Variants in CD36 observed in about 807,000 individuals in gnomAD.
CD36 encodes the protein CD36 molecule (CD36 blood group), also known as platelet glycoprotein 4.
In CD36, 119 loss-of-function variants were observed where a neutral mutation model predicts 55.2. That is an observed-to-expected ratio of 2.15 (90% CI 1.86 to 2.51). The LOEUF (loss-of-function observed/expected upper bound fraction) is 2.51. CD36 is among the 30% of genes most tolerant of loss of function. CD36 has a pLI of 0.00. For synonymous variants in CD36, 186 were observed against 193.6 expected, an observed-to-expected ratio of 0.96 and a Z score of 0.33; for missense variants, 819 against 555.5, an observed-to-expected ratio of 1.47 and a Z score of -4.77.
intron 3 of CD36, among the ~76,000 whole-genome samples, chr7:80,652,941 G>A (rs1212236180): frequency 2.0e-5 from 3 of 152,058 alleles, no homozygotes; most frequent in South Asian, 4.1e-4. Flanking sequence ...ACATGAAAAT[G>A]CCAAAATTCA....
At chr7:80,621,248 C>T (rs1473352821) in intron 1 of CD36, among the ~76,000 whole-genome samples, 2 of 152,152 alleles carry the variant, frequency 1.3e-5, no homozygotes, top group Non-Finnish European at 2.9e-5. Flanking sequence ...CTTTTCTATG[C>T]AGTGGGAAAC....
At chr7:80,604,514 G>A (rs997577946) in intron 1 of CD36, among the ~76,000 whole-genome samples, 18 of 151,362 alleles carry the variant, frequency 1.2e-4, no homozygotes, top group African/African-American at 3.9e-4. Flanking sequence ...TTAGATACGT[G>A]CTTGTTGGTA....
intron 3 of CD36, among the ~76,000 whole-genome samples, chr7:80,650,838 A>C (rs1795546635): frequency 6.6e-6 from 1 of 150,984 alleles, no homozygotes; most frequent in African/African-American, 2.4e-5. Context: ...CATGCTTTTT[A>C]TGGATTATAG....
intron 1 of CD36, among the ~76,000 whole-genome samples, chr7:80,611,725 G>A (rs1792887735): frequency 6.6e-6 from 1 of 152,138 alleles, no homozygotes; most frequent in African/African-American, 2.4e-5. Context: ...ATAGAGATTT[G>A]CTCTGAATTA....
In CD36 at chr7:80,622,011, C is replaced by G. The variant is rs1793498294; in HGVS notation, c.-184+19632C>G. On this transcript the variant is annotated intron_variant, in intron 1 of 13. Transcript: ENST00000309881. Reference sequence around the variant, plus strand: ...TCCCTTTCCAAATTGGTTTTTCACACTGTCGTGCCCACCTTTGAGTGGTGT... The same window carrying G: ...TCCCTTTCCAAATTGGTTTTTCACAGTGTCGTGCCCACCTTTGAGTGGTGT... 1.3e-5 allele frequency among the ~76,000 whole-genome samples: 2 copies of G among 152,214 alleles called. 1 individual carries two copies. The highest frequency in any genetic ancestry group is 4.1e-4 in the South Asian group (2 of 4,836).
At chr7:80,619,904 CAAG>C (rs756934927) in intron 1 of CD36, among the ~76,000 whole-genome samples, 5 of 152,102 alleles carry the variant, frequency 3.3e-5, no homozygotes, top group Non-Finnish European at 7.4e-5. Flanking sequence ...GTGAAAATAG[CAAG>C]AAAACTAGAA....
At chr7:80,602,755 T>C (rs936681030) in intron 1 of CD36, among the ~76,000 whole-genome samples, 1 of 152,148 alleles carries the variant, frequency 6.6e-6, no homozygotes, top group Non-Finnish European at 1.5e-5. Flanking sequence ...TGTTTTCTGA[T>C]AGGTTTTTAA....
chr7:80,672,256 TGAG>T (rs1451561807), intron 11 of CD36, among the ~76,000 whole-genome samples: 3 of 151,818 alleles, frequency 2.0e-5, no homozygotes, highest in South Asian at 2.1e-4. Flanking sequence ...TATGTTTAGA[TGAG>T]GAGTTATTGT....
intron 1 of CD36, among the ~76,000 whole-genome samples, chr7:80,627,941 C>A (rs1793841821): frequency 6.6e-6 from 1 of 151,868 alleles, no homozygotes; most frequent in Non-Finnish European, 1.5e-5. Context: ...AGAATATTTT[C>A]TAATGTGGAA....
intron 8 of CD36, among the ~76,000 whole-genome samples, chr7:80,669,590 G>T (rs930498610): frequency 1.3e-5 from 2 of 151,682 alleles, no homozygotes; most frequent in African/African-American, 4.8e-5. Flanking sequence ...AGCTGAGGCA[G>T]GCCTATCCTG....
chr7:80,618,464 G>C lies in CD36; in HGVS notation c.-184+16085G>C, dbSNP rs1326526437. On this transcript the variant is annotated intron_variant, in intron 1 of 13. Transcript: ENST00000309881. The stretch of plus-strand genomic sequence containing the variant: ...AGAAGTGATTAAACTTAGTGAGGAA[G>C]GCATATTGAAAGCTAAGATAGGATG... Among the ~76,000 whole-genome samples the C allele has an allele frequency of 2.0e-5, 3 of 152,140 alleles. No homozygotes were observed. In the East Asian group the frequency reaches 5.8e-4, roughly 29 times the overall value.
chr7:80,670,962 T>A lies in CD36; in HGVS notation c.819-15T>A. On this transcript the variant is annotated splice_polypyrimidine_tract_variant and intron_variant, in intron 9 of 14. Transcript: ENST00000447544. Reference sequence around the variant, plus strand: ...TCAGGTTCCTGGAATGCAGCTCTTTTTTCTCTGTATTTAGGTCAATCTATG... The same window carrying A: ...TCAGGTTCCTGGAATGCAGCTCTTTATTCTCTGTATTTAGGTCAATCTATG... The A allele has an allele frequency of 6.3e-7, 1 of 1,595,540 alleles. No individual in the cohort carries two copies.
chr7:80,629,980 A>T (rs1001101637), intron 1 of CD36, among the ~76,000 whole-genome samples: 1 of 151,864 alleles, frequency 6.6e-6, no homozygotes, highest in African/African-American at 2.4e-5. Flanking sequence ...AACCACTGCT[A>T]TATTTCTTTT....
chr7:80,644,736 T>G (rs1483657888), intron 1 of CD36, among the ~76,000 whole-genome samples: 2 of 152,152 alleles, frequency 1.3e-5, no homozygotes, highest in Non-Finnish European at 2.9e-5. Flanking sequence ...ATTAATACAC[T>G]TACAACATTA....
intron 3 of CD36, among the ~76,000 whole-genome samples, chr7:80,656,222 T>C (rs1562801092): frequency 6.6e-6 from 1 of 152,196 alleles, no homozygotes. Context: ...TAATAAATTA[T>C]GTTGACTGTT....
intron 5 of CD36, chr7:80,662,585 C>CTT (rs34614420): frequency 3.5e-5 from 7 of 197,304 alleles, no homozygotes; most frequent in East Asian, 2.9e-4. Context: ...AGACTTATGG[C>CTT]TTTTTTTTTT....
At chr7:80,616,271 T>A (rs1233018202) in intron 1 of CD36, among the ~76,000 whole-genome samples, 3 of 152,196 alleles carry the variant, frequency 2.0e-5, no homozygotes, top group Non-Finnish European at 4.4e-5. Context: ...AATCATCTAA[T>A]ACAGAGCATA....
rs1562829390 is a variant in CD36 at position 80,674,192 on chromosome 7, A to ATAT, written c.*48_*50dup. On this transcript the variant is annotated intron_variant, in intron 14 of 14. Transcript: ENST00000447544. The stretch of plus-strand genomic sequence containing the variant: ...TATTGCTTCAATAATATTAGCTTAT[A>ATAT]TATTACTTGTTTTCACTTTATCAAA... 3.0e-6 allele frequency: 4 copies of ATAT among 1,355,228 alleles called. No homozygotes were observed. In the South Asian group the frequency reaches 3.6e-5, roughly 12 times the overall value. The allele number at this position is 1,355,228 out of a possible 1,614,324, so 84.0% of individuals were successfully genotyped here. A position where few individuals can be genotyped will look rare whatever the true frequency, so the allele number is the denominator to read the frequency against.
intron 3 of CD36, among the ~76,000 whole-genome samples, chr7:80,647,660 A>G (rs1293208043): frequency 5.9e-5 from 9 of 152,316 alleles, no homozygotes; most frequent in Non-Finnish European, 1.3e-4. Context: ...TAAATCAGGG[A>G]TGGCAAATTC....
Sources: gnomAD v4.1 joint callset for allele counts (sites outside exome capture counted in the v4.1 genomes callset) on GRCh38, gnomAD v4.1.1 for gene constraint, MANE v1.5 for transcripts, NCBI Gene and HGNC (gene_info 2026-07-23, HGNC 2026-07-21) for gene names.